Variants in HHIP observed in about 807,000 individuals in gnomAD.
HHIP encodes the protein hedgehog interacting protein.
HHIP carries 12 observed loss-of-function variants against 74.0 expected under a neutral mutation model. That is an observed-to-expected ratio of 0.16 (90% CI 0.10 to 0.26). The LOEUF (loss-of-function observed/expected upper bound fraction) is 0.26. Among genes scored for constraint, HHIP ranks in the 10% least tolerant of loss-of-function variants. The pLI is 1.00. For missense variants in HHIP, 788 were observed against 845.0 expected (o/e 0.93, Z 0.84); for synonymous variants, 309 against 311.6 (o/e 0.99, Z 0.09).
chr4:144,691,292 C>T (rs1295633430), intron 4 of HHIP, among the ~76,000 whole-genome samples: 1 of 152,140 alleles, frequency 6.6e-6, no homozygotes, highest in Non-Finnish European at 1.5e-5. Context: ...AAACAAACTT[C>T]AAGGTTTATT....
chr4:144,665,056 G>A (rs1484216169), intron 4 of HHIP, among the ~76,000 whole-genome samples: 1 of 152,106 alleles, frequency 6.6e-6, no homozygotes, highest in Non-Finnish European at 1.5e-5. Context: ...AAATAAAGAT[G>A]TTTTTATTTT....
chr4:144,671,293 C>T (rs975226590), intron 4 of HHIP, among the ~76,000 whole-genome samples: 1 of 150,658 alleles, frequency 6.6e-6, no homozygotes. Flanking sequence ...AACCTACAAA[C>T]AATGTCTCCT....
At chr4:144,682,980 T>C (rs148413933) in intron 4 of HHIP, among the ~76,000 whole-genome samples, 243 of 152,248 alleles carry the variant, frequency 1.6e-3, no homozygotes, top group African/African-American at 5.5e-3. Context: ...GAGGAAGAAA[T>C]AGATTTAAGC....
At chr4:144,720,889 A>G (rs948217507) in intron 11 of HHIP, among the ~76,000 whole-genome samples, 13 of 152,168 alleles carry the variant, frequency 8.5e-5, no homozygotes, top group Non-Finnish European at 1.6e-4. Flanking sequence ...AGATGAGTTG[A>G]CACTTAAGTA....
At chr4:144,696,559 T>C (rs554698422) in intron 4 of HHIP, among the ~76,000 whole-genome samples, 3 of 152,024 alleles carry the variant, frequency 2.0e-5, no homozygotes, top group East Asian at 3.9e-4. Flanking sequence ...GTCTCTTCTT[T>C]TTTTGTTCAT....
chr4:144,715,084 T>C (rs1482598166), intron 9 of HHIP: 2 of 417,338 alleles, frequency 4.8e-6, no homozygotes, highest in East Asian at 4.1e-5. Flanking sequence ...GTACTTTTAG[T>C]GCCCCCTCCA....
At chr4:144,706,329 T>C (rs935391593) in intron 4 of HHIP, among the ~76,000 whole-genome samples, 3 of 152,138 alleles carry the variant, frequency 2.0e-5, no homozygotes, top group East Asian at 1.9e-4. Flanking sequence ...CACAAGACAA[T>C]TGTCTTGTTC....
Position 144,718,890 on chromosome 4 carries a change from T to C in HHIP, c.1694T>C (p.Leu565Ser), listed in dbSNP as rs1456636995. ...TCTTTAACAGGTGAAGTTTACATTT[T>C]ATCAAGCAGTAAAAGTATGACCCAG... Reference protein sequence around the residue: ...GEDELGEVYILSSSKSMTQTH... With the variant: ...GEDELGEVYISSSSKSMTQTH... Residue 565 changes from leucine (L) to serine (S), a missense_variant, in exon 11 of 13, where the codon TTA becomes TCA. By Grantham distance (145) the Leu-to-Ser change is moderately radical. Transcript: ENST00000296575. 1 of 1,608,160 alleles carries C rather than the reference T, an allele frequency of 6.2e-7. No homozygotes were observed. Among genetic ancestry groups the C allele is most frequent in the Admixed American group, 1.7e-5 (1 of 59,934 alleles).
In HHIP at chr4:144,742,503, G is replaced by A. The variant is rs1186854849; in HGVS notation, c.*4546G>A. ...CTAGCCAAGGAACAACCTTCTCTAT[G>A]GAATAATTTTAAGAAAATTATTCCA... On this transcript the variant is annotated 3_prime_UTR_variant, in exon 13 of 13. Coordinates refer to ENST00000296575, the MANE Select transcript of HHIP (RefSeq NM_022475.3). The A allele has an allele frequency of 2.0e-5, 3 of 151,750 alleles. No homozygotes were observed. Among genetic ancestry groups the A allele is most frequent in the Admixed American group, 2.0e-4 (3 of 15,216 alleles). 9.4% of individuals were successfully genotyped at this position (151,750 alleles called of 1,614,324 possible).
At chr4:144,666,689 G>T (rs1445713351) in intron 4 of HHIP, among the ~76,000 whole-genome samples, 1 of 152,176 alleles carries the variant, frequency 6.6e-6, no homozygotes, top group African/African-American at 2.4e-5. Context: ...AGACTGCAGA[G>T]CATGTTAAGA....
intron 4 of HHIP, among the ~76,000 whole-genome samples, chr4:144,688,101 G>A (rs1488542427): frequency 6.6e-6 from 1 of 151,992 alleles, no homozygotes. Context: ...GCCTGTGAAC[G>A]CATTTAAAGA....
intron 2 of HHIP, among the ~76,000 whole-genome samples, chr4:144,656,044 G>C (rs1021913042): frequency 6.6e-6 from 1 of 152,084 alleles, no homozygotes; most frequent in African/African-American, 2.4e-5. Context: ...TGATGATCCC[G>C]AGTGAGCTAA....
chr4:144,741,197 T>C lies in HHIP; in HGVS notation c.*3240T>C, dbSNP rs1404990854. 6.6e-6 allele frequency: 1 copy of C among 152,068 alleles called. No homozygotes were observed. 9.4% of individuals were successfully genotyped at this position (152,068 alleles called of 1,614,324 possible). A position where few individuals can be genotyped will look rare whatever the true frequency, so the allele number is the denominator to read the frequency against. ...TCGGAAGGTTTCTCAGATTAATGAG[T>C]ATCTCATAAAGAGTAGAGAAACCAA... On this transcript the variant is annotated 3_prime_UTR_variant, in exon 13 of 13. Transcript: ENST00000296575.
chr4:144,647,681 T>G (rs2126569672), intron 1 of HHIP, among the ~76,000 whole-genome samples: 1 of 132,440 alleles, frequency 7.6e-6, no homozygotes, highest in South Asian at 2.9e-4. Flanking sequence ...GTTATCCTTG[T>G]GTTAATAAGT....
chr4:144,693,131 T>C (rs1021621748), intron 4 of HHIP, among the ~76,000 whole-genome samples: 7 of 152,102 alleles, frequency 4.6e-5, no homozygotes, highest in Admixed American at 1.3e-4. Context: ...GTGAGGAAAG[T>C]GGAACCACTA....
chr4:144,680,238 CA>C (rs982104239), intron 4 of HHIP, among the ~76,000 whole-genome samples: 18 of 150,198 alleles, frequency 1.2e-4, no homozygotes, highest in African/African-American at 3.4e-4. Context: ...TGTGCTTTAC[CA>C]AAAAAAAACT....
intron 4 of HHIP, among the ~76,000 whole-genome samples, chr4:144,667,496 G>T (rs1728907405): frequency 6.6e-6 from 1 of 152,216 alleles, no homozygotes. Context: ...CTTTACCTCA[G>T]AAAGATAAAC....
chr4:144,682,167 T>C (rs1350410224), intron 4 of HHIP, among the ~76,000 whole-genome samples: 1 of 152,190 alleles, frequency 6.6e-6, no homozygotes, highest in African/African-American at 2.4e-5. Flanking sequence ...TAGAAAGCAC[T>C]CTAGAGACTA....
chr4:144,679,122 A>G (rs772076360), intron 4 of HHIP, among the ~76,000 whole-genome samples: 6 of 151,854 alleles, frequency 4.0e-5, no homozygotes, highest in Non-Finnish European at 7.4e-5. Flanking sequence ...GCATTTCTCT[A>G]ATGACCAGGG....
Sources: allele counts gnomAD v4.1 joint callset (sites outside exome capture counted in the v4.1 genomes callset), GRCh38; gene constraint gnomAD v4.1.1; transcripts MANE v1.5; gene names NCBI Gene and HGNC (gene_info 2026-07-23, HGNC 2026-07-21).